The following SCN3A variants were observed in gnomAD, a reference collection of about 807,000 sequenced individuals.
The protein encoded by SCN3A is sodium channel protein type 3 subunit alpha.
Under a neutral mutation model 187.6 loss-of-function variants are expected in SCN3A, and 60 were observed. That is an observed-to-expected ratio of 0.32 (90% confidence interval 0.26 to 0.40). The LOEUF is 0.40. SCN3A is among the 10% of genes least tolerant of loss of function. The pLI, the probability that SCN3A is intolerant of heterozygous loss-of-function variation, is 1.00. For synonymous variants in SCN3A, 788 were observed against 829.2 expected (o/e 0.95, Z 0.85); for missense variants, 1,601 against 2,428.2 (o/e 0.66, Z 7.16).
intron 16 of SCN3A, 92 bp from the exon 17 acceptor site, chr2:165,130,388 G>A (rs1041405117): frequency 1.9e-4 from 259 of 1,366,224 alleles, no homozygotes; most frequent in Non-Finnish European, 2.5e-4. Flanking sequence ...AACCACACGT[G>A]GTAGATGTAA....
At chr2:165,148,779 T>C (rs1023686568) in intron 11 of SCN3A, among the ~76,000 whole-genome samples, 5 of 152,056 alleles carry the variant, frequency 3.3e-5, no homozygotes, top group Non-Finnish European at 7.4e-5. Context: ...TAGAGTCATA[T>C]AGCCAGGTTT....
chr2:165,156,090 A>G (rs1480804412), intron 9 of SCN3A, among the ~76,000 whole-genome samples, 187 bp from the exon 10 acceptor site: 1 of 152,148 alleles, frequency 6.6e-6, no homozygotes, highest in African/African-American at 2.4e-5. Context: ...AGGAAGACCG[A>G]TAGAAAATTT....
At chr2:165,169,130 T>C (rs895134536) in intron 4 of SCN3A, among the ~76,000 whole-genome samples, 1 of 151,852 alleles carries the variant, frequency 6.6e-6, no homozygotes, top group Admixed American at 6.6e-5. Context: ...GAACTCACCA[T>C]CCCTTAGTAA....
At chr2:165,171,238 A>G (rs961467714) in intron 3 of SCN3A, among the ~76,000 whole-genome samples, 1 of 151,840 alleles carries the variant, frequency 6.6e-6, no homozygotes, top group Non-Finnish European at 1.5e-5. Flanking sequence ...TTTTTTTCCC[A>G]CTAGAGTCAT....
In SCN3A at chr2:165,162,603, T is replaced by A. The variant is rs769845100; in HGVS notation, c.920A>T (p.Asn307Ile). 1.2e-6 allele frequency: 2 copies of A among 1,614,162 alleles called. No homozygotes were observed. The highest frequency in any genetic ancestry group is 2.2e-5 in the South Asian group (2 of 91,088). The change falls in exon 8 of 28, where the codon AAT becomes ATT. Residue 307 changes from asparagine to isoleucine, a missense_variant. Asn to Ile is a moderately radical substitution (Grantham distance 149). This residue lies in a region of SCN3A where 104 missense variants were observed against 102.7 expected (regional missense o/e 1.01). Transcript: ENST00000283254. ...GTMDSNGTFV[N>I]VTMSTFNWKD... ...CCAGTTAAATGTGCTCATTGTTACATTAACAAATGTCCCATTTGAATCCAT... is the reference window on the plus strand; with the variant it reads ...CCAGTTAAATGTGCTCATTGTTACAATAACAAATGTCCCATTTGAATCCAT...
chr2:165,108,854 A>C (rs1335375337), intron 21 of SCN3A, among the ~76,000 whole-genome samples: 1 of 152,130 alleles, frequency 6.6e-6, no homozygotes, highest in African/African-American at 2.4e-5. Flanking sequence ...AATCTGAAAA[A>C]GTGCTCCTTC....
At position 165,088,523 on chromosome 2, in the gene SCN3A, T is replaced by A. The variant is rs776471502; in HGVS notation, c.*1627A>T. On this transcript the variant is annotated 3_prime_UTR_variant, in exon 28 of 28. Coordinates refer to ENST00000283254, the MANE Select transcript of SCN3A (RefSeq NM_006922.4). ...TGGTAGAAAATGATCTAGGTTTGAG[T>A]GTTTGACCAATGTATCTCCTATTGG... 7 of 152,342 alleles carry A rather than the reference T, an allele frequency of 4.6e-5. No homozygotes were observed. The highest frequency in any genetic ancestry group is 8.8e-5 in the Non-Finnish European group (6 of 67,918). The allele number at this position is 152,342 out of a possible 1,614,324, so 9.4% of individuals were successfully genotyped here.
At chr2:165,110,212 T>C (rs940587036) in intron 21 of SCN3A, among the ~76,000 whole-genome samples, 1 of 152,200 alleles carries the variant, frequency 6.6e-6, no homozygotes, top group Non-Finnish European at 1.5e-5. Flanking sequence ...TCTCCTCCAA[T>C]AGAGTGTAAG....
intron 9 of SCN3A, among the ~76,000 whole-genome samples, chr2:165,160,363 T>C (rs557588470): frequency 2.0e-5 from 3 of 152,244 alleles, no homozygotes; most frequent in Non-Finnish European, 4.4e-5. Flanking sequence ...CCTGAAATCA[T>C]TTCCCACCAC....
intron 21 of SCN3A, among the ~76,000 whole-genome samples, chr2:165,107,857 C>T (rs1474177907): frequency 6.6e-6 from 1 of 152,080 alleles, no homozygotes; most frequent in Non-Finnish European, 1.5e-5. Flanking sequence ...TTAATAAATA[C>T]TTTGTAAGTA....
rs1408163126 is a variant in SCN3A, at chr2:165,112,840, G to A, written c.3843+45C>T. On this transcript the variant is annotated intron_variant, in intron 21 of 27. Coordinates refer to ENST00000283254, the MANE Select transcript of SCN3A (RefSeq NM_006922.4). ...CAGAAACATATGAAATGTCAAACTTGCCTCTTTTAAAAACAATTTTATAAA... is the reference window on the plus strand; with the variant it reads ...CAGAAACATATGAAATGTCAAACTTACCTCTTTTAAAAACAATTTTATAAA... 3.3e-6 allele frequency: 5 copies of A among 1,519,144 alleles called. No individual in the cohort carries two copies. The East Asian group carries it at 1.1e-4, about 34-fold the overall frequency. 94.1% of individuals were successfully genotyped at this position (1,519,144 alleles called of 1,614,324 possible). A position where few individuals can be genotyped will look rare whatever the true frequency, so the allele number is the denominator to read the frequency against.
intron 18 of SCN3A, among the ~76,000 whole-genome samples, chr2:165,122,244 T>C (rs1396403277): frequency 6.7e-6 from 1 of 149,018 alleles, no homozygotes; most frequent in Non-Finnish European, 1.5e-5. Flanking sequence ...TTTTTCTTTT[T>C]TTTTTTTTTT....
chr2:165,096,744 A>T (rs1685381628), intron 23 of SCN3A, among the ~76,000 whole-genome samples: 1 of 152,102 alleles, frequency 6.6e-6, no homozygotes, highest in South Asian at 2.1e-4. Flanking sequence ...TTCCTACACT[A>T]AAATTTAGTG....
intron 9 of SCN3A, among the ~76,000 whole-genome samples, chr2:165,157,091 T>A (rs969356149): frequency 6.6e-6 from 1 of 152,030 alleles, no homozygotes; most frequent in Non-Finnish European, 1.5e-5. Flanking sequence ...TTTGTATTTT[T>A]AGTGGAGACA....
chr2:165,158,475 C>T (rs1262314485), intron 9 of SCN3A, among the ~76,000 whole-genome samples: 1 of 136,228 alleles, frequency 7.3e-6, no homozygotes, highest in Non-Finnish European at 1.5e-5. Flanking sequence ...TGAGTTTTAA[C>T]AAATGCATTA....
At chr2:165,106,819 G>A (rs2105685716) in intron 21 of SCN3A, among the ~76,000 whole-genome samples, 1 of 152,284 alleles carries the variant, frequency 6.6e-6, no homozygotes, top group South Asian at 2.1e-4. Flanking sequence ...GAGTGATGTA[G>A]GTCTTCCGAA....
At chr2:165,183,403 G>GA (rs1346466719) in intron 2 of SCN3A, among the ~76,000 whole-genome samples, 1 of 152,150 alleles carries the variant, frequency 6.6e-6, no homozygotes, top group Non-Finnish European at 1.5e-5. Context: ...AATAACTACA[G>GA]AAAAATAGAT....
At chr2:165,095,758 C>A in intron 24 of SCN3A, 110 bp from the exon 25 acceptor site, 1 of 609,838 alleles carries the variant, frequency 1.6e-6, no homozygotes. Flanking sequence ...TTTGCCTTAC[C>A]CTGAGATATT....
Position 165,168,752 on chromosome 2 carries a change from A to C in SCN3A, c.457T>G (p.Trp153Gly). ...CCTACTTACTCTACATTCTTTGTCCAGTCAGGAGGGTTGCTCAAGGTCATA... is the reference window on the plus strand; with the variant it reads ...CCTACTTACTCTACATTCTTTGTCCCGTCAGGAGGGTTGCTCAAGGTCATA... ...VFMTLSNPPD[W>G]TKNVEYTFTG... The change falls in exon 5 of 28, where the codon TGG becomes GGG. Residue 153 changes from tryptophan to glycine, a missense_variant. Around this residue, in one of 11 missense-constraint regions of SCN3A, gnomAD observed 122 missense variants for 225.1 expected, o/e 0.54. Coordinates refer to ENST00000283254, the MANE Select transcript of SCN3A (RefSeq NM_006922.4). 1.9e-6 allele frequency: 3 copies of C among 1,610,044 alleles called. No homozygotes were observed. The highest frequency in any genetic ancestry group is 2.5e-6 in the Non-Finnish European group (3 of 1,176,522).
Sources: allele counts gnomAD v4.1 joint callset (sites outside exome capture counted in the v4.1 genomes callset), GRCh38; gene constraint gnomAD v4.1.1; regional missense constraint gnomAD v4.1.1; transcripts MANE v1.5; gene names NCBI Gene and HGNC (gene_info 2026-07-23, HGNC 2026-07-21).